Variants in ESCO1 observed in about 807,000 individuals in gnomAD.
The protein encoded by ESCO1 is establishment of sister chromatid cohesion N-acetyltransferase 1, also known as N-acetyltransferase ESCO1.
ESCO1 carries 33 observed loss-of-function variants against 83.5 expected under a neutral mutation model. That is an observed-to-expected ratio of 0.40 (90% confidence interval 0.30 to 0.53). The LOEUF is 0.53. ESCO1 is among the 20% of genes least tolerant of loss of function. The probability of loss-of-function intolerance (pLI) is 0.63; values close to 1 mark genes in which losing one functional copy is unlikely to be tolerated. For missense variants in ESCO1, 855 were observed against 968.0 expected, an observed-to-expected ratio of 0.88 and a Z score of 1.55; for synonymous variants, 332 against 324.3, an observed-to-expected ratio of 1.02 and a Z score of -0.25.
At chr18:21,589,132 A>C (rs2038624440) in intron 1 of ESCO1, among the ~76,000 whole-genome samples, 1 of 151,844 alleles carries the variant, frequency 6.6e-6, no homozygotes, top group Non-Finnish European at 1.5e-5. Context: ...CCAGCTACTC[A>C]GGAGGCTGGG....
At chr18:21,549,052 T>C (rs1271053978) in intron 8 of ESCO1, among the ~76,000 whole-genome samples, 1 of 152,248 alleles carries the variant, frequency 6.6e-6, no homozygotes, top group Non-Finnish European at 1.5e-5. Context: ...CTCCAGTATT[T>C]TGATCTCAAA....
At chr18:21,577,635 G>T (rs1307570471) in intron 2 of ESCO1, among the ~76,000 whole-genome samples, 1 of 149,824 alleles carries the variant, frequency 6.7e-6, no homozygotes, top group Admixed American at 6.6e-5. Flanking sequence ...ACTCTAGCCT[G>T]GCCGACAGAG....
rs1315327921 is a variant in ESCO1 at position 21,559,391 on chromosome 18, C to T, written c.1953+1468G>A. Among the ~76,000 whole-genome samples, 3 of 152,186 alleles carry T rather than the reference C, an allele frequency of 2.0e-5. No individual in the cohort carries two copies. The East Asian group carries it at 5.8e-4, about 29-fold the overall frequency. On this transcript the variant is annotated intron_variant, in intron 8 of 11. Transcript: ENST00000269214. Reference sequence around the variant, plus strand: ...AGAATGTGTTTGGAAGATGATGACTCCACCTTGTTCCATAAATCAACTTCC... The same window carrying T: ...AGAATGTGTTTGGAAGATGATGACTTCACCTTGTTCCATAAATCAACTTCC...
intron 1 of ESCO1, among the ~76,000 whole-genome samples, chr18:21,593,811 TA>T (rs10719508): frequency 0.96 from 137,983 of 142,996 alleles, 66,600 homozygotes; most frequent in South Asian, 0.99. Flanking sequence ...GCACCTCCTT[TA>T]AAAAAAAAAA....
In ESCO1 at chr18:21,573,644, G is replaced by C. The variant is rs757551403; in HGVS notation, c.1200C>G (p.Asn400Lys). 18 of 1,614,038 alleles carry C rather than the reference G, an allele frequency of 1.1e-5. No individual in the cohort carries two copies. Among genetic ancestry groups the C allele is most frequent in the Admixed American group, 5.0e-5 (3 of 59,998 alleles). ...AGTCCAACTTATTGTGCTGCACAGA[G>C]TTAAATTTTGAGAGTTTAATTTTAG... Reference protein sequence around the residue: ...NWTKIKLSKFNSVQHNKLDSQ... With the variant: ...NWTKIKLSKFKSVQHNKLDSQ... The change falls in exon 4 of 12, where the codon AAC becomes AAG. Residue 400 changes from asparagine (N) to lysine (K), a missense_variant. Transcript: ENST00000269214.
Position 21,575,183 on chromosome 18 carries a change from A to C in ESCO1, c.-340T>G, listed in dbSNP as rs2038403164. 2 of 378,424 alleles carry C rather than the reference A, an allele frequency of 5.3e-6. No homozygotes were observed. The highest frequency in any genetic ancestry group is 3.8e-5 in the East Asian group (1 of 26,508). 23.4% of individuals were successfully genotyped at this position (378,424 alleles called of 1,614,324 possible). On this transcript the variant is annotated 5_prime_UTR_variant, in exon 4 of 12. In the 5' UTR this introduces an upstream ATG that the reference lacks. Coordinates refer to ENST00000269214, the MANE Select transcript of ESCO1 (RefSeq NM_052911.3). ...AATCTGTTTTGTTAATTTTTTAATT[A>C]ATTTTGGTTTCAGGCCTAGCTCTAT...
Position 21,594,966 on chromosome 18 carries a change from T to C in ESCO1, c.-825+5657A>G, listed in dbSNP as rs76829247. Among the ~76,000 whole-genome samples, 728 of 147,740 alleles carry C rather than the reference T, an allele frequency of 4.9e-3. 16 individuals carry two copies. The East Asian group carries it at 0.091, about 19-fold the overall frequency. The stretch of plus-strand genomic sequence containing the variant: ...GTGTGTGTGTGTGTGTGTGTGTGTG[T>C]ATCTTTTTTATATATGAAAAACTAC... On this transcript the variant is annotated intron_variant, in intron 1 of 11. Transcript: ENST00000269214.
At chr18:21,533,584 A>G (rs1441044815) in intron 10 of ESCO1, among the ~76,000 whole-genome samples, 2 of 152,216 alleles carry the variant, frequency 1.3e-5, no homozygotes, top group Admixed American at 1.3e-4. Context: ...GACAAGATAT[A>G]AAACTTAAAA....
At chr18:21,585,736 G>A (rs1469952479) in intron 1 of ESCO1, among the ~76,000 whole-genome samples, 3 of 152,008 alleles carry the variant, frequency 2.0e-5, no homozygotes, top group Non-Finnish European at 2.9e-5. Context: ...GAGACCACAG[G>A]TACATGCCAC....
chr18:21,533,554 C>T (rs1293243399), intron 10 of ESCO1, among the ~76,000 whole-genome samples: 2 of 152,134 alleles, frequency 1.3e-5, no homozygotes, highest in African/African-American at 4.8e-5. Flanking sequence ...CGTGCCCAGC[C>T]ATGACTAGCC....
chr18:21,551,681 A>G (rs575382284), intron 8 of ESCO1, among the ~76,000 whole-genome samples: 1 of 152,316 alleles, frequency 6.6e-6, no homozygotes, highest in African/African-American at 2.4e-5. Context: ...AGAAACTCCA[A>G]ATACAGCAAT....
At chr18:21,585,625 T>A in intron 1 of ESCO1, among the ~76,000 whole-genome samples, 1 of 152,180 alleles carries the variant, frequency 6.6e-6, no homozygotes, top group East Asian at 1.9e-4. Flanking sequence ...ACTTTGCTAC[T>A]CTTTTTCTTT....
intron 1 of ESCO1, among the ~76,000 whole-genome samples, chr18:21,594,476 A>C (rs2038730429): frequency 6.6e-6 from 1 of 152,082 alleles, no homozygotes. Flanking sequence ...TAAAATGCCT[A>C]ATAGATCACT....
In ESCO1 at chr18:21,582,306, T is replaced by G. The variant is rs937344082; in HGVS notation, c.-694+2004A>C. On this transcript the variant is annotated intron_variant, in intron 2 of 11. Coordinates refer to ENST00000269214, the MANE Select transcript of ESCO1 (RefSeq NM_052911.3). ...GTGCAATGGTGCAATCTTGGCTCAC[T>G]GCATCCTCCGCCTCCTGGGTTCAAG... 2.6e-5 allele frequency among the ~76,000 whole-genome samples: 4 copies of G among 152,068 alleles called. No homozygotes were observed. The East Asian group carries it at 7.7e-4, about 29-fold the overall frequency.
At chr18:21,591,085 T>C (rs1162765101) in intron 1 of ESCO1, among the ~76,000 whole-genome samples, 1 of 152,224 alleles carries the variant, frequency 6.6e-6, no homozygotes, top group African/African-American at 2.4e-5. Flanking sequence ...GAATGTATCT[T>C]ATTTGGGGAA....
At chr18:21,586,956 T>C (rs559035397) in intron 1 of ESCO1, among the ~76,000 whole-genome samples, 1 of 152,318 alleles carries the variant, frequency 6.6e-6, no homozygotes, top group East Asian at 1.9e-4. Context: ...TGAAAGGATA[T>C]TTCATTTTGT....
chr18:21,559,033 G>C (rs765788972), intron 8 of ESCO1, among the ~76,000 whole-genome samples: 3 of 152,184 alleles, frequency 2.0e-5, no homozygotes, highest in African/African-American at 7.2e-5. Context: ...CCAAAATCTA[G>C]AACAGTGATC....
chr18:21,540,047 G>T (rs1464440736), intron 8 of ESCO1, 38 bp from the exon 9 acceptor site: 4 of 1,470,702 alleles, frequency 2.7e-6, no homozygotes, highest in Non-Finnish European at 3.7e-6. Context: ...CATATGTAAA[G>T]TATGAATTTT....
chr18:21,559,165 A>G (rs1231773456), intron 8 of ESCO1, among the ~76,000 whole-genome samples: 3 of 152,236 alleles, frequency 2.0e-5, no homozygotes, highest in African/African-American at 7.2e-5. Flanking sequence ...GAAAACAGCA[A>G]AAGATAAGAA....
Sources: gnomAD v4.1 joint callset for allele counts (sites outside exome capture counted in the v4.1 genomes callset) on GRCh38, gnomAD v4.1.1 for gene constraint, MANE v1.5 for transcripts, NCBI Gene and HGNC (gene_info 2026-07-23, HGNC 2026-07-21) for gene names.